WTIP: variants seen among roughly 807,000 people sequenced by gnomAD.
WTIP encodes the protein Wilms tumor protein 1-interacting protein.
In WTIP, 23 loss-of-function variants were observed where a neutral mutation model predicts 41.7. That is an observed-to-expected ratio of 0.55 (90% CI 0.40 to 0.78). The LOEUF (loss-of-function observed/expected upper bound fraction) is 0.78, where lower values mean the gene tolerates loss of function less well. Among genes scored for constraint, WTIP ranks in the 30% least tolerant of loss-of-function variants. The pLI, the probability that WTIP is intolerant of heterozygous loss-of-function variation, is 0.00. For synonymous variants in WTIP, 314 were observed against 269.9 expected (o/e 1.16, Z -1.60); for missense variants, 619 against 610.5 (o/e 1.01, Z -0.15).
In WTIP at chr19:34,500,176, C is replaced by G. The variant is rs962285851; in HGVS notation, c.1200C>G (p.Pro400=). ...GGGAGGAGGGACGCCGTTGCTATCC[C>G]CTGGCGGGCCACCTACTGTGTCGTC... ...LSGEEGRRCY[P]LAGHLLCRRC... is the part of the protein sequence containing the mutation. Residue 400 remains proline (P), a synonymous_variant, in exon 8 of 8, where the codon CCC becomes CCG. Transcript: ENST00000590071. 2 of 1,603,156 alleles carry G rather than the reference C, an allele frequency of 1.2e-6. No homozygotes were observed. The highest frequency in any genetic ancestry group is 1.7e-6 in the Non-Finnish European group (2 of 1,179,780).
chr19:34,482,507 C>T lies in WTIP; in HGVS notation c.533C>T (p.Ala178Val), dbSNP rs572374134. The change falls in exon 1 of 8, where the codon GCT becomes GTT. Residue 178 changes from alanine to valine, a missense_variant. Around this residue, in one of 3 missense-constraint regions of WTIP, gnomAD observed 363 missense variants for 309.0 expected, o/e 1.17. Coordinates refer to ENST00000590071, the MANE Select transcript of WTIP (RefSeq NM_001080436.2). ...PARSPEPAGP[A>V]PFPLPALPLP... ...CGCTCCCCGGAGCCTGCGGGGCCGG[C>T]TCCCTTCCCGCTGCCTGCACTCCCG... 14 of 1,234,580 alleles carry T rather than the reference C, an allele frequency of 1.1e-5. No homozygotes were observed. In the South Asian group the frequency reaches 3.8e-4, roughly 34 times the overall value. The allele number at this position is 1,234,580 out of a possible 1,614,324, so 76.5% of individuals were successfully genotyped here.
chr19:34,490,288 C>T (rs192671650), intron 1 of WTIP, 88 bp from the exon 2 acceptor site: 19 of 1,235,872 alleles, frequency 1.5e-5, no homozygotes, highest in East Asian at 7.2e-5. Context: ...CCAGGTCAAG[C>T]GGGTGGGCGG....
At chr19:34,486,590 T>A (rs976691545) in intron 1 of WTIP, among the ~76,000 whole-genome samples, 3 of 152,046 alleles carry the variant, frequency 2.0e-5, no homozygotes, top group Admixed American at 2.0e-4. Flanking sequence ...GATGGTCTCA[T>A]CTCCTGACCT....
At chr19:34,492,653 C>A (rs1243873075) in intron 2 of WTIP, among the ~76,000 whole-genome samples, 1 of 145,862 alleles carries the variant, frequency 6.9e-6, no homozygotes, top group African/African-American at 2.6e-5. Context: ...CACGCCACTG[C>A]ACTCCAGCCT....
At position 34,490,441 on chromosome 19, in the gene WTIP, CTT is replaced by C; in HGVS notation, c.735_736del (p.Tyr246SerfsTer3). The C allele has an allele frequency of 6.2e-7, 1 of 1,613,982 alleles. No homozygotes were observed. The highest frequency in any genetic ancestry group is 8.5e-7 in the Non-Finnish European group (1 of 1,179,860). ...GCAGGCGTGCCAGGCAATGGGGAGT[CTT>C]TATCACACTGACTGCTTCACCTGCG... ...AQQACQAMGS[L>X]YHTDCFTCDS... On this transcript the variant is annotated frameshift_variant, in exon 2 of 8. Transcript: ENST00000590071. LOFTEE classifies it high-confidence loss of function.
intron 1 of WTIP, among the ~76,000 whole-genome samples, chr19:34,483,746 G>A (rs1368365937): frequency 6.6e-6 from 1 of 152,078 alleles, no homozygotes; most frequent in Non-Finnish European, 1.5e-5. Context: ...TTGTGAGCGG[G>A]GCAGAGGTAT....
At position 34,505,557 on chromosome 19, in the gene WTIP, A is replaced by T. The variant is rs2075907714; in HGVS notation, c.*5288A>T. On this transcript the variant is annotated 3_prime_UTR_variant, in exon 8 of 8. Transcript: ENST00000590071. ...CACCCACCCACCTGTGCCTCCCCCCACCTGCCACGCCCATTGTCCTACACC... is the reference window on the plus strand; with the variant it reads ...CACCCACCCACCTGTGCCTCCCCCCTCCTGCCACGCCCATTGTCCTACACC... 1.3e-5 allele frequency: 2 copies of T among 151,632 alleles called. No homozygotes were observed. The highest frequency in any genetic ancestry group is 2.4e-5 in the African/African-American group (1 of 41,082). 9.4% of individuals were successfully genotyped at this position (151,632 alleles called of 1,614,324 possible). A position where few individuals can be genotyped will look rare whatever the true frequency, so the allele number is the denominator to read the frequency against.
At chr19:34,486,137 C>G (rs1374427900) in intron 1 of WTIP, among the ~76,000 whole-genome samples, 1 of 152,200 alleles carries the variant, frequency 6.6e-6, no homozygotes, top group East Asian at 1.9e-4. Context: ...TCCCTTCACT[C>G]TAGCAGTCCT....
Position 34,481,901 on chromosome 19 carries a change from G to C in WTIP, c.-74G>C. On this transcript the variant is annotated 5_prime_UTR_variant, in exon 1 of 8. Transcript: ENST00000590071. The stretch of plus-strand genomic sequence containing the variant: ...GGCGGGCTCCGGGCTTCGGGCGGAC[G>C]ATGCGGCGGCCCGGCCGGAGCGGCG... 3.3e-6 allele frequency: 3 copies of C among 918,092 alleles called. No homozygotes were observed. The highest frequency in any genetic ancestry group is 3.9e-6 in the Non-Finnish European group (3 of 769,894). The allele number at this position is 918,092 out of a possible 1,614,324, so 56.9% of individuals were successfully genotyped here. A position where few individuals can be genotyped will look rare whatever the true frequency, so the allele number is the denominator to read the frequency against.
At chr19:34,494,228 G>A (rs1230520248) in intron 5 of WTIP, among the ~76,000 whole-genome samples, 5 of 152,096 alleles carry the variant, frequency 3.3e-5, no homozygotes, top group Admixed American at 1.3e-4. Flanking sequence ...TCCTGGAGGA[G>A]GTGATTGGGT....
chr19:34,491,333 T>A (rs4805083), intron 2 of WTIP, among the ~76,000 whole-genome samples: 140,242 of 151,850 alleles, frequency 0.92, 64,893 homozygotes, highest in African/African-American at 0.95. Flanking sequence ...TTTAATTTTA[T>A]ATTTTTTTTT....
At chr19:34,497,884 G>T (rs753317070) in intron 7 of WTIP, among the ~76,000 whole-genome samples, 2 of 152,214 alleles carry the variant, frequency 1.3e-5, no homozygotes, top group Admixed American at 6.5e-5. Flanking sequence ...GGACTGTGCG[G>T]TCCCCTGCAG....
At chr19:34,499,039 T>C (rs2145610221) in intron 7 of WTIP, among the ~76,000 whole-genome samples, 1 of 150,872 alleles carries the variant, frequency 6.6e-6, no homozygotes, top group African/African-American at 2.4e-5. Flanking sequence ...CAAGACGCCA[T>C]GTCTACAAAA....
rs2075930495 is a variant in WTIP, at chr19:34,510,889, CATCT to C, written c.*10621_*10624del. 6.6e-6 allele frequency: 1 copy of C among 152,210 alleles called. No individual in the cohort carries two copies. Among genetic ancestry groups the C allele is most frequent in the Admixed American group, 6.5e-5 (1 of 15,286 alleles). The allele number at this position is 152,210 out of a possible 1,614,324, so 9.4% of individuals were successfully genotyped here. ...CAGTTCCCAACAAGTTCCTCATCTCCATCTGAGACCACATCAGCCTGGACCTTAG... is the reference window on the plus strand; with the variant it reads ...CAGTTCCCAACAAGTTCCTCATCTCCGAGACCACATCAGCCTGGACCTTAG... On this transcript the variant is annotated 3_prime_UTR_variant, in exon 8 of 8. Coordinates refer to ENST00000590071, the MANE Select transcript of WTIP (RefSeq NM_001080436.2).
chr19:34,488,458 C>CTT (rs2075808733), intron 1 of WTIP, among the ~76,000 whole-genome samples: 1 of 152,070 alleles, frequency 6.6e-6, no homozygotes, highest in South Asian at 2.1e-4. Context: ...CTCAAACTCC[C>CTT]AGGCTTAAGT....
In WTIP at chr19:34,500,120, C is replaced by T; in HGVS notation, c.1153-9C>T. Reference sequence around the variant, plus strand: ...TGACTCTGGGGCTGGGGGCTGTGTTCTTCCCTAGGACTGCGGGCTGCAGCT... The same window carrying T: ...TGACTCTGGGGCTGGGGGCTGTGTTTTTCCCTAGGACTGCGGGCTGCAGCT... On this transcript the variant is annotated splice_polypyrimidine_tract_variant and intron_variant, in intron 7 of 7. Transcript: ENST00000590071. The T allele has an allele frequency of 2.5e-6, 4 of 1,598,762 alleles. No individual in the cohort carries two copies. Among genetic ancestry groups the T allele is most frequent in the Non-Finnish European group, 3.4e-6 (4 of 1,179,410 alleles).
chr19:34,499,666 C>T (rs947541839), intron 7 of WTIP, among the ~76,000 whole-genome samples: 2 of 152,030 alleles, frequency 1.3e-5, no homozygotes, highest in South Asian at 4.2e-4. Flanking sequence ...TGCTCCACGC[C>T]GGGCTTCCCA....
In WTIP at chr19:34,507,316, A is replaced by G. The variant is rs566552861; in HGVS notation, c.*7047A>G. ...GTCACTAATAAGTTTTAAGTTGTCC[A>G]GAGTTAATTGTGAATATCAGAACAG... is the stretch of plus-strand genomic sequence containing the variant. On this transcript the variant is annotated 3_prime_UTR_variant, in exon 8 of 8. Transcript: ENST00000590071. 6.6e-4 allele frequency: 101 copies of G among 151,910 alleles called. No individual in the cohort carries two copies. Among genetic ancestry groups the G allele is most frequent in the African/African-American group, 2.3e-3 (96 of 41,446 alleles). The allele number at this position is 151,910 out of a possible 1,614,324, so 9.4% of individuals were successfully genotyped here. A position where few individuals can be genotyped will look rare whatever the true frequency, so the allele number is the denominator to read the frequency against.
In WTIP at chr19:34,503,209, TCTGGGCCC is replaced by T. The variant is rs531526220; in HGVS notation, c.*2950_*2957del. ...ACCAGGCCACACTCTGCCCTTTCTTTCTGGGCCCCTGGGCCCCGCATTGCCTTCTGTCA... is the reference window on the plus strand; with the variant it reads ...ACCAGGCCACACTCTGCCCTTTCTTTCTGGGCCCCGCATTGCCTTCTGTCA... On this transcript the variant is annotated 3_prime_UTR_variant, in exon 8 of 8. Transcript: ENST00000590071. 135 of 152,446 alleles carry T rather than the reference TCTGGGCCC, an allele frequency of 8.9e-4. No individual in the cohort carries two copies. Among genetic ancestry groups the T allele is most frequent in the African/African-American group, 3.2e-3 (134 of 41,568 alleles). 9.4% of individuals were successfully genotyped at this position (152,446 alleles called of 1,614,324 possible).
Sources: gnomAD v4.1 joint callset for allele counts (sites outside exome capture counted in the v4.1 genomes callset) on GRCh38, gnomAD v4.1.1 for gene constraint, gnomAD v4.1.1 regional missense constraint, MANE v1.5 for transcripts, NCBI Gene and HGNC (gene_info 2026-07-23, HGNC 2026-07-21) for gene names.